Variants in GRXCR1 observed in about 807,000 individuals in gnomAD.
GRXCR1 encodes the protein glutaredoxin domain-containing cysteine-rich protein 1.
In GRXCR1, 27 loss-of-function variants were observed where a neutral mutation model predicts 27.3. The observed-to-expected ratio is 0.99, with a 90% CI of 0.73 to 1.37. The LOEUF (loss-of-function observed/expected upper bound fraction) is 1.37, where lower values mean the gene tolerates loss of function less well. Ranked by LOEUF, GRXCR1 falls within the 40% of genes most tolerant of loss-of-function variation. The pLI is 0.00. For missense variants in GRXCR1, 379 were observed against 354.4 expected (o/e 1.07, Z -0.56); for synonymous variants, 122 against 131.1 (o/e 0.93, Z 0.47).
chr4:42,970,243 G>A (rs1214858942), intron 2 of GRXCR1, among the ~76,000 whole-genome samples: 2 of 152,138 alleles, frequency 1.3e-5, no homozygotes, highest in Non-Finnish European at 2.9e-5. Context: ...CATGGTACAA[G>A]CTGTCAGTGG....
intron 2 of GRXCR1, among the ~76,000 whole-genome samples, chr4:42,988,133 G>C (rs1711839768): frequency 6.6e-6 from 1 of 152,092 alleles, no homozygotes; most frequent in African/African-American, 2.4e-5. Context: ...AATCTGAAGG[G>C]GCTGGGTAGT....
chr4:42,958,748 A>G (rs1327208050), intron 1 of GRXCR1, among the ~76,000 whole-genome samples: 1 of 152,034 alleles, frequency 6.6e-6, no homozygotes, highest in East Asian at 1.9e-4. Context: ...TTAAAAAATG[A>G]ACAGATGACC....
At chr4:42,986,081 T>A (rs1371770974) in intron 2 of GRXCR1, among the ~76,000 whole-genome samples, 1 of 152,220 alleles carries the variant, frequency 6.6e-6, no homozygotes, top group African/African-American at 2.4e-5. Flanking sequence ...GGTAGGTTTA[T>A]AATACATTGT....
chr4:42,910,473 C>T (rs1746697518), intron 1 of GRXCR1, among the ~76,000 whole-genome samples: 1 of 152,154 alleles, frequency 6.6e-6, no homozygotes, highest in South Asian at 2.1e-4. Context: ...GATCTATCCA[C>T]TTATACTCCT....
At chr4:42,930,398 T>C (rs550570382) in intron 1 of GRXCR1, among the ~76,000 whole-genome samples, 2 of 152,100 alleles carry the variant, frequency 1.3e-5, no homozygotes, top group South Asian at 2.1e-4. Flanking sequence ...AACCAAGCAA[T>C]GGGTCTGTCT....
At chr4:42,963,224 A>G (rs562616556) in intron 2 of GRXCR1, 90 bp downstream of exon 2, 1 of 1,453,488 alleles carries the variant, frequency 6.9e-7, no homozygotes, top group South Asian at 1.1e-5. Flanking sequence ...CAGCGTAACT[A>G]CTGGAACACT....
chr4:43,011,388 G>T (rs911764392), intron 2 of GRXCR1, among the ~76,000 whole-genome samples: 2 of 152,126 alleles, frequency 1.3e-5, no homozygotes, highest in African/African-American at 2.4e-5. Flanking sequence ...TATTGCCTCT[G>T]CTCCCTTCCT....
At chr4:42,929,117 T>C (rs1747240003) in intron 1 of GRXCR1, among the ~76,000 whole-genome samples, 1 of 151,996 alleles carries the variant, frequency 6.6e-6, no homozygotes, top group African/African-American at 2.4e-5. Context: ...TGGATATAAT[T>C]TCTTACTATG....
chr4:43,024,590 C>T (rs1329612929), intron 3 of GRXCR1, among the ~76,000 whole-genome samples: 3 of 152,130 alleles, frequency 2.0e-5, no homozygotes, highest in Non-Finnish European at 4.4e-5. Flanking sequence ...CTCCTATATC[C>T]AGGCTTATAC....
intron 1 of GRXCR1, among the ~76,000 whole-genome samples, chr4:42,960,532 T>G (rs1207118510): frequency 3.9e-5 from 6 of 151,928 alleles, no homozygotes; most frequent in African/African-American, 1.4e-4. Flanking sequence ...CACTGATTTT[T>G]TCCACTGACT....
intron 2 of GRXCR1, among the ~76,000 whole-genome samples, chr4:42,995,557 G>T (rs1371419885): frequency 6.6e-6 from 1 of 152,106 alleles, no homozygotes; most frequent in Non-Finnish European, 1.5e-5. Context: ...CATCCTCACT[G>T]CAGGAGATTA....
At chr4:42,973,017 A>G (rs1748424631) in intron 2 of GRXCR1, among the ~76,000 whole-genome samples, 1 of 151,894 alleles carries the variant, frequency 6.6e-6, no homozygotes, top group Non-Finnish European at 1.5e-5. Context: ...GGCATTTTTA[A>G]TCTTTACTCC....
chr4:42,984,897 C>T lies in GRXCR1; in HGVS notation c.627+21763C>T, dbSNP rs73240033. On this transcript the variant is annotated intron_variant, in intron 2 of 3. Coordinates refer to ENST00000399770, the MANE Select transcript of GRXCR1 (RefSeq NM_001080476.3). ...TGGTGCTGAAGTGGGTCTGGAGGCT[C>T]AGTCCACATGTACCAGCCTGGAGTC... Among the ~76,000 whole-genome samples the T allele has an allele frequency of 4.2e-3, 644 of 152,224 alleles. 5 individuals are homozygous for T. The highest frequency in any genetic ancestry group is 6.6e-3 in the Non-Finnish European group (450 of 68,010).
chr4:42,954,574 GA>G (rs1174306631), intron 1 of GRXCR1, among the ~76,000 whole-genome samples: 1 of 152,026 alleles, frequency 6.6e-6, no homozygotes, highest in East Asian at 1.9e-4. Flanking sequence ...TTACCACTAT[GA>G]TAAATGAAAA....
At chr4:42,971,595 CA>C (rs1748389355) in intron 2 of GRXCR1, among the ~76,000 whole-genome samples, 1 of 151,864 alleles carries the variant, frequency 6.6e-6, no homozygotes, top group African/African-American at 2.4e-5. Context: ...CACCCACGTT[CA>C]AAAAACCAGA....
intron 1 of GRXCR1, among the ~76,000 whole-genome samples, chr4:42,911,280 AAAG>A: frequency 6.6e-6 from 1 of 152,310 alleles, no homozygotes; most frequent in Non-Finnish European, 1.5e-5. Flanking sequence ...ATATATTTTG[AAAG>A]AAGTTTACTA....
chr4:43,006,470 C>T (rs1712562346), intron 2 of GRXCR1, among the ~76,000 whole-genome samples: 1 of 152,148 alleles, frequency 6.6e-6, no homozygotes, highest in Non-Finnish European at 1.5e-5. Context: ...TTATAAACAG[C>T]TCCCCCAGGT....
chr4:42,893,812 A>C (rs1434510912), intron 1 of GRXCR1, among the ~76,000 whole-genome samples, 162 bp downstream of exon 1: 2 of 152,142 alleles, frequency 1.3e-5, no homozygotes, highest in Non-Finnish European at 2.9e-5. Context: ...ATCAATTAAA[A>C]ACTGGGTCAT....
intron 2 of GRXCR1, among the ~76,000 whole-genome samples, chr4:43,001,666 G>T (rs1324721574): frequency 6.6e-6 from 1 of 152,082 alleles, no homozygotes; most frequent in Non-Finnish European, 1.5e-5. Flanking sequence ...CACACCTGCG[G>T]GTATTTCTAG....
Sources: gnomAD v4.1 joint callset for allele counts (sites outside exome capture counted in the v4.1 genomes callset) on GRCh38, gnomAD v4.1.1 for gene constraint, MANE v1.5 for transcripts, NCBI Gene and HGNC (gene_info 2026-07-23, HGNC 2026-07-21) for gene names.